Variants in RSPO4 observed in about 807,000 individuals in gnomAD.
The protein encoded by RSPO4 is R-spondin 4, also known as R-spondin-4.
In RSPO4, 23 loss-of-function variants were observed where a neutral mutation model predicts 24.8. That is an observed-to-expected ratio of 0.93 (90% CI 0.67 to 1.31). The LOEUF (loss-of-function observed/expected upper bound fraction) is 1.31. RSPO4 is among the 40% of genes most tolerant of loss of function. The pLI is 0.00. For missense variants in RSPO4, 333 were observed against 316.5 expected (o/e 1.05, Z -0.39); for synonymous variants, 141 against 127.4 (o/e 1.11, Z -0.72).
intron 1 of RSPO4, among the ~76,000 whole-genome samples, chr20:980,887 C>G (rs1159107744): frequency 6.6e-6 from 1 of 152,214 alleles, no homozygotes; most frequent in Non-Finnish European, 1.5e-5. Flanking sequence ...TCTTCAAAAA[C>G]TGTCCTGTGA....
At chr20:963,110 T>A (rs1984058152) in intron 4 of RSPO4, among the ~76,000 whole-genome samples, 1 of 152,062 alleles carries the variant, frequency 6.6e-6, no homozygotes, top group Non-Finnish European at 1.5e-5. Context: ...TGGAAATACG[T>A]GTAGTGGTCT....
chr20:970,498 A>G lies in RSPO4; in HGVS notation c.80-2360T>C, dbSNP rs889291479. ...CCAAGCAAAGTTGGCATTGCCCTCA[A>G]TTTTCTTGCCCTGGGATAAGAAACT... On this transcript the variant is annotated intron_variant, in intron 1 of 4. Coordinates refer to ENST00000217260, the MANE Select transcript of RSPO4 (RefSeq NM_001029871.4). The surrounding 1 kb of genome is among the most constrained non-coding windows in gnomAD (Gnocchi z 4.1). 6.6e-6 allele frequency among the ~76,000 whole-genome samples: 1 copy of G among 152,116 alleles called. No individual in the cohort carries two copies. The highest frequency in any genetic ancestry group is 1.5e-5 in the Non-Finnish European group (1 of 68,030).
Position 994,934 on chromosome 20 carries a change from C to T in RSPO4, c.79+7152G>A, listed in dbSNP as rs143632512. On this transcript the variant is annotated intron_variant, in intron 1 of 4. Transcript: ENST00000217260. ...AAGCACACTGAGCATTTCCAAGTCA[C>T]GCGGGGGGAAACTGAGGCTCTGAGA... Among the ~76,000 whole-genome samples, 303 of 152,304 alleles carry T rather than the reference C, an allele frequency of 2.0e-3. 1 individual carries two copies. Among genetic ancestry groups the T allele is most frequent in the Non-Finnish European group, 3.2e-3 (219 of 68,028 alleles).
chr20:968,848 G>A (rs991522161), intron 1 of RSPO4, among the ~76,000 whole-genome samples: 3 of 152,166 alleles, frequency 2.0e-5, no homozygotes, highest in Non-Finnish European at 2.9e-5. Flanking sequence ...AAAATTTTTT[G>A]TTACCCCAGA....
At chr20:998,578 G>C (rs748390447) in intron 1 of RSPO4, among the ~76,000 whole-genome samples, 2 of 152,226 alleles carry the variant, frequency 1.3e-5, no homozygotes, top group Non-Finnish European at 2.9e-5. Context: ...AGCAGGCTCA[G>C]AGAGGGCAGA....
intron 1 of RSPO4, among the ~76,000 whole-genome samples, chr20:971,491 A>G (rs1051542065): frequency 6.6e-6 from 1 of 152,220 alleles, no homozygotes; most frequent in African/African-American, 2.4e-5. Context: ...ACATTGTGGT[A>G]TATTCATACA....
chr20:996,401 T>G (rs571940057), intron 1 of RSPO4, among the ~76,000 whole-genome samples: 86 of 152,318 alleles, frequency 5.6e-4, no homozygotes, highest in Middle Eastern at 6.8e-3. Context: ...ACCGTATCCA[T>G]GTGACACCTT....
chr20:962,647 A>G (rs781274847), intron 4 of RSPO4, among the ~76,000 whole-genome samples: 13 of 152,084 alleles, frequency 8.5e-5, no homozygotes, highest in Non-Finnish European at 1.8e-4. Flanking sequence ...AAAGGCTCCT[A>G]TCTCTGCTAG....
chr20:995,681 T>C (rs1021726222), intron 1 of RSPO4, among the ~76,000 whole-genome samples: 25 of 152,216 alleles, frequency 1.6e-4, no homozygotes, highest in African/African-American at 5.3e-4. Context: ...CACCCCTGTC[T>C]GTTGCTATAC....
Position 970,686 on chromosome 20 carries a change from A to C in RSPO4, c.80-2548T>G, listed in dbSNP as rs534134891. Among the ~76,000 whole-genome samples the C allele has an allele frequency of 6.6e-6, 1 of 152,300 alleles. No individual in the cohort carries two copies. The highest frequency in any genetic ancestry group is 1.9e-4 in the East Asian group (1 of 5,184). On this transcript the variant is annotated intron_variant, in intron 1 of 4. Transcript: ENST00000217260. This position sits in a 1 kb window ranked among gnomAD's most constrained non-coding sequence, Gnocchi z 4.1. ...GCAGAGTCCGGACTTCTCACTCAGCAAAAGATTCAGATTCTGATACTACCC... is the reference window on the plus strand; with the variant it reads ...GCAGAGTCCGGACTTCTCACTCAGCCAAAGATTCAGATTCTGATACTACCC...
chr20:985,603 G>A (rs961808268), intron 1 of RSPO4, among the ~76,000 whole-genome samples: 20 of 152,216 alleles, frequency 1.3e-4, no homozygotes, highest in Non-Finnish European at 2.4e-4. Flanking sequence ...GACATATTTT[G>A]CTGTTCTAAA....
chr20:962,610 T>C (rs1984037782), intron 4 of RSPO4, among the ~76,000 whole-genome samples: 1 of 152,140 alleles, frequency 6.6e-6, no homozygotes, highest in Admixed American at 6.5e-5. Context: ...AACCTCACTC[T>C]GTCCTCACCT....
intron 1 of RSPO4, among the ~76,000 whole-genome samples, chr20:974,493 A>C (rs928474251): frequency 6.6e-6 from 1 of 152,050 alleles, no homozygotes; most frequent in Non-Finnish European, 1.5e-5. Context: ...GCTCCTCTGC[A>C]CTCTCTGGCA....
At chr20:977,267 A>G (rs2122233031) in intron 1 of RSPO4, among the ~76,000 whole-genome samples, 1 of 152,238 alleles carries the variant, frequency 6.6e-6, no homozygotes, top group African/African-American at 2.4e-5. Flanking sequence ...GGTGATGCTG[A>G]CCTTTGCTGG....
At chr20:996,685 C>G (rs1053552514) in intron 1 of RSPO4, among the ~76,000 whole-genome samples, 1 of 152,218 alleles carries the variant, frequency 6.6e-6, no homozygotes, top group Admixed American at 6.5e-5. Context: ...CTGTCCTTTT[C>G]AATACCCAGC....
At chr20:984,149 A>G (rs2122245023) in intron 1 of RSPO4, among the ~76,000 whole-genome samples, 1 of 152,110 alleles carries the variant, frequency 6.6e-6, no homozygotes, top group Admixed American at 6.5e-5. Context: ...CAGCCTGACC[A>G]AGACGGTGAA....
chr20:995,738 T>C (rs1985259163), intron 1 of RSPO4, among the ~76,000 whole-genome samples: 1 of 152,184 alleles, frequency 6.6e-6, no homozygotes, highest in African/African-American at 2.4e-5. Context: ...AAGATCCTCC[T>C]GGAATCTGCC....
chr20:964,025 C>A lies in RSPO4; in HGVS notation c.505G>T (p.Glu169Ter). 1 of 1,613,834 alleles carries A rather than the reference C, an allele frequency of 6.2e-7. No individual in the cohort carries two copies. Among genetic ancestry groups the A allele is most frequent in the Non-Finnish European group, 8.5e-7 (1 of 1,180,026 alleles). Residue 169 changes from glutamate to a stop codon, truncating the protein, a stop_gained, in exon 4 of 5, where the codon GAG (glutamate) becomes TAG (stop). Coordinates refer to ENST00000217260, the MANE Select transcript of RSPO4 (RefSeq NM_001029871.4). LOFTEE classifies it high-confidence loss of function. ...SAWGLESRVREAGRAGHEEAA... is the reference protein window; with the variant it reads ...SAWGLESRVR ...TCCTCATGCCCAGCCCGGCCAGCCT[C>A]TCGTACCCGGCTCTCCAGGCCCCAA...
rs201162335 is a variant in RSPO4, at chr20:960,382, G to T, written c.680C>A (p.Pro227Gln). Residue 227 changes from proline to glutamine, a missense_variant, in exon 5 of 5, where the codon CCG becomes CAG. Physicochemically the swap from Pro to Gln is moderately conservative, Grantham distance 76 (BLOSUM62 -1). Transcript: ENST00000217260. ...TCAGGGCTGCAGGCCGGGCTGGCGC[G>T]GCCTCACGTCCAGCCTGCGGTCCAG... ...RKLDRRLDVRPRQPGLQP is the reference protein window; with the variant it reads ...RKLDRRLDVRQRQPGLQP The T allele has an allele frequency of 4.0e-5, 61 of 1,537,808 alleles. 2 individuals carry two copies. The South Asian group carries it at 6.8e-4, about 17-fold the overall frequency.
Sources: gnomAD v4.1 joint callset for allele counts (sites outside exome capture counted in the v4.1 genomes callset) on GRCh38, gnomAD v4.1.1 for gene constraint, Gnocchi (gnomAD v3.1) non-coding constraint, MANE v1.5 for transcripts, NCBI Gene and HGNC (gene_info 2026-07-23, HGNC 2026-07-21) for gene names.